PRKAG2: variants seen among roughly 807,000 people sequenced by gnomAD.
PRKAG2 encodes the protein 5'-AMP-activated protein kinase subunit gamma-2.
Under a neutral mutation model 69.6 loss-of-function variants are expected in PRKAG2, and 26 were observed. The observed-to-expected ratio is 0.37, with a 90% confidence interval of 0.27 to 0.52. The LOEUF (loss-of-function observed/expected upper bound fraction) is 0.52. Ranked by LOEUF, PRKAG2 falls within the 20% of genes least tolerant of loss-of-function variation. PRKAG2 has a pLI of 0.90. For synonymous variants in PRKAG2, 293 were observed against 285.0 expected (o/e 1.03, Z -0.28); for missense variants, 557 against 740.0 (o/e 0.75, Z 2.87).
At chr7:151,739,018 C>G (rs2073677656) in intron 3 of PRKAG2, among the ~76,000 whole-genome samples, 1 of 152,126 alleles carries the variant, frequency 6.6e-6, no homozygotes, top group Admixed American at 6.5e-5. Context: ...TCTGCCACTC[C>G]CATGGGGCCT....
intron 14 of PRKAG2, among the ~76,000 whole-genome samples, 175 bp downstream of exon 14, chr7:151,563,903 C>T (rs955635304): frequency 1.3e-5 from 2 of 152,158 alleles, no homozygotes; most frequent in African/African-American, 2.4e-5. Context: ...TTTTAGAGAT[C>T]GCCTATATGC....
At chr7:151,870,780 G>T (rs997866720) in intron 1 of PRKAG2, among the ~76,000 whole-genome samples, 1 of 152,204 alleles carries the variant, frequency 6.6e-6, no homozygotes, top group African/African-American at 2.4e-5. Flanking sequence ...CTCGCAGCGC[G>T]GGGCTTCCCT....
At chr7:151,616,044 G>A (rs1820058143) in intron 5 of PRKAG2, among the ~76,000 whole-genome samples, 1 of 152,232 alleles carries the variant, frequency 6.6e-6, no homozygotes, top group African/African-American at 2.4e-5. Flanking sequence ...CCCTGACTTA[G>A]TCAATTACTG....
intron 3 of PRKAG2, among the ~76,000 whole-genome samples, chr7:151,678,921 T>C (rs893668834): frequency 6.6e-6 from 1 of 151,914 alleles, no homozygotes; most frequent in African/African-American, 2.4e-5. Flanking sequence ...ATTGTGCCAC[T>C]GCATTCCATT....
intron 1 of PRKAG2, among the ~76,000 whole-genome samples, chr7:151,793,422 T>G (rs1205533513): frequency 6.6e-6 from 1 of 152,238 alleles, no homozygotes; most frequent in Non-Finnish European, 1.5e-5. Context: ...GTTTCTCAAC[T>G]GATTGTTCAG....
intron 1 of PRKAG2, among the ~76,000 whole-genome samples, chr7:151,795,045 T>G (rs1158458260): frequency 6.6e-6 from 1 of 152,110 alleles, no homozygotes; most frequent in Admixed American, 6.5e-5. Flanking sequence ...AGCCCCTTCC[T>G]AGTTCAGGGC....
chr7:151,750,982 C>G (rs2074633317), intron 3 of PRKAG2, among the ~76,000 whole-genome samples: 1 of 151,978 alleles, frequency 6.6e-6, no homozygotes, highest in Non-Finnish European at 1.5e-5. Context: ...TGGATTAATT[C>G]TACAATCTGG....
chr7:151,827,620 A>C (rs1229381362), intron 1 of PRKAG2, among the ~76,000 whole-genome samples: 1 of 152,026 alleles, frequency 6.6e-6, no homozygotes, highest in Non-Finnish European at 1.5e-5. Context: ...AAAGGAACAC[A>C]GTGGGTTCCA....
chr7:151,875,758 C>T (rs2080380987), intron 1 of PRKAG2, among the ~76,000 whole-genome samples: 1 of 152,122 alleles, frequency 6.6e-6, no homozygotes, highest in African/African-American at 2.4e-5. Flanking sequence ...CACTACGCGG[C>T]CCGCCGCCCC....
intron 5 of PRKAG2, among the ~76,000 whole-genome samples, chr7:151,623,583 G>A (rs1434830668): frequency 6.6e-6 from 1 of 152,042 alleles, no homozygotes; most frequent in Non-Finnish European, 1.5e-5. Context: ...GGGGGTTGGG[G>A]ACCCCTGCTC....
At chr7:151,750,265 ACCCAAGAG>A (rs2074578059) in intron 3 of PRKAG2, among the ~76,000 whole-genome samples, 1 of 152,210 alleles carries the variant, frequency 6.6e-6, no homozygotes, top group Admixed American at 6.5e-5. Flanking sequence ...CTAGGTATAT[ACCCAAGAG>A]AACTGCAAAC....
At chr7:151,566,559 T>G in intron 11 of PRKAG2, 1 of 450,408 alleles carries the variant, frequency 2.2e-6, no homozygotes, top group Non-Finnish European at 4.5e-6. Context: ...AGGTCTACGG[T>G]TTCAAAAATC....
At chr7:151,578,173 C>T (rs1585013523) in intron 6 of PRKAG2, among the ~76,000 whole-genome samples, 1 of 151,720 alleles carries the variant, frequency 6.6e-6, no homozygotes, top group African/African-American at 2.4e-5. Context: ...GGTAAAACCT[C>T]GTCTCCACTA....
At chr7:151,767,410 C>T (rs1486838255) in intron 3 of PRKAG2, among the ~76,000 whole-genome samples, 2 of 152,260 alleles carry the variant, frequency 1.3e-5, no homozygotes, top group Non-Finnish European at 2.9e-5. Context: ...CCTGCCTCAG[C>T]CTCCCGAGTA....
intron 6 of PRKAG2, among the ~76,000 whole-genome samples, chr7:151,584,194 T>C (rs975191541): frequency 1.3e-5 from 2 of 152,172 alleles, no homozygotes; most frequent in African/African-American, 2.4e-5. Flanking sequence ...AGAAGAACAG[T>C]TGCCCACCAT....
intron 5 of PRKAG2, among the ~76,000 whole-genome samples, chr7:151,600,929 T>C (rs533463286): frequency 2.6e-5 from 4 of 152,354 alleles, no homozygotes; most frequent in African/African-American, 9.6e-5. Flanking sequence ...TTTTTCATTT[T>C]ACCTCTGAGG....
chr7:151,777,169 A>ATGGCC lies in PRKAG2; in HGVS notation c.466+3978_466+3982dup, dbSNP rs1387864324. Among the ~76,000 whole-genome samples, 5 of 152,264 alleles carry ATGGCC rather than the reference A, an allele frequency of 3.3e-5. No homozygotes were observed. The highest frequency in any genetic ancestry group is 7.4e-5 in the Non-Finnish European group (5 of 67,990). On this transcript the variant is annotated intron_variant, in intron 3 of 15. Transcript: ENST00000287878. This position sits in a 1 kb window ranked among gnomAD's most constrained non-coding sequence, Gnocchi z 4.3. ...ACCACAGGCCCCAATGGAAGGGGCCATGGCCAGGTTCAGCATGGGCCCCGA... is the reference window on the plus strand; with the variant it reads ...ACCACAGGCCCCAATGGAAGGGGCCATGGCCTGGCCAGGTTCAGCATGGGCCCCGA...
At chr7:151,568,257 G>A (rs921982076) in intron 11 of PRKAG2, among the ~76,000 whole-genome samples, 2 of 152,116 alleles carry the variant, frequency 1.3e-5, no homozygotes, top group Non-Finnish European at 2.9e-5. Context: ...TATTTGCTTC[G>A]GGTTTTTCTA....
intron 7 of PRKAG2, among the ~76,000 whole-genome samples, 186 bp from the exon 8 acceptor site, chr7:151,575,135 A>G (rs1261889303): frequency 6.6e-6 from 1 of 152,258 alleles, no homozygotes; most frequent in East Asian, 1.9e-4. Context: ...CTGGATATAC[A>G]AATTTAGCTG....
Sources: allele counts gnomAD v4.1 joint callset (sites outside exome capture counted in the v4.1 genomes callset), GRCh38; gene constraint gnomAD v4.1.1; non-coding constraint Gnocchi (gnomAD v3.1); transcripts MANE v1.5; gene names NCBI Gene and HGNC (gene_info 2026-07-23, HGNC 2026-07-21).